Variants in PRLR observed in about 807,000 individuals in gnomAD.
PRLR encodes the protein prolactin receptor.
In PRLR, 13 loss-of-function variants were observed where a neutral mutation model predicts 40.2. The ratio of observed to expected loss-of-function variants is 0.32; its 90% confidence interval spans 0.21 to 0.51. PRLR has a LOEUF of 0.51. PRLR is among the 20% of genes least tolerant of loss of function. The pLI is 0.97. For synonymous variants in PRLR, 269 were observed against 278.7 expected (o/e 0.97, Z 0.35); for missense variants, 656 against 747.3 (o/e 0.88, Z 1.42).
chr5:35,109,825 T>C (rs1001865734), intron 2 of PRLR, among the ~76,000 whole-genome samples: 27 of 152,216 alleles, frequency 1.8e-4, no homozygotes, highest in African/African-American at 6.3e-4. Context: ...CTCAAGGATC[T>C]AGAACTGGAA....
intron 5 of PRLR, among the ~76,000 whole-genome samples, chr5:35,080,238 C>T (rs1403491643): frequency 6.6e-6 from 1 of 152,196 alleles, no homozygotes; most frequent in Admixed American, 6.5e-5. Flanking sequence ...AAACTACCAT[C>T]AGAGTGAACA....
chr5:35,121,576 T>G (rs1262805784), intron 1 of PRLR, among the ~76,000 whole-genome samples: 1 of 152,210 alleles, frequency 6.6e-6, no homozygotes, highest in Non-Finnish European at 1.5e-5. Flanking sequence ...CTGATAAGCT[T>G]CAACATTTGA....
Position 35,217,198 on chromosome 5 carries a change from A to C in PRLR, c.-106+13070T>G, listed in dbSNP as rs1604420. Among the ~76,000 whole-genome samples, 834 of 152,310 alleles carry C rather than the reference A, an allele frequency of 5.5e-3. 8 individuals are homozygous for C. The highest frequency in any genetic ancestry group is 0.019 in the African/African-American group (792 of 41,564). ...AGGAACTTATACCTCCAGCCTCCTG[A>C]AAGTGGGTGTACATGCCAACACTGG... On this transcript the variant is annotated intron_variant, in intron 1 of 9. Transcript: ENST00000618457.
Position 35,084,488 on chromosome 5 carries a change from C to G in PRLR, c.355G>C (p.Val119Leu), listed in dbSNP as rs1487148099. 1 of 1,573,608 alleles carries G rather than the reference C, an allele frequency of 6.4e-7. No individual in the cohort carries two copies. Among genetic ancestry groups the G allele is most frequent in the Non-Finnish European group, 8.6e-7 (1 of 1,166,894 alleles). Residue 119 changes from valine to leucine, a missense_variant, in exon 5 of 10, where the codon GTG (valine) becomes CTG (leucine). By Grantham distance (32) the Val-to-Leu change is conservative (BLOSUM62 1). Around this residue, in one of 3 missense-constraint regions of PRLR, gnomAD observed 180 missense variants for 236.8 expected, o/e 0.76. Transcript: ENST00000618457. ...MGSSFSDELY[V>L]DVTYIVQPDP... is the part of the protein sequence containing the mutation. ...CCCTTACCTATGTAAGTCACGTCCACATAAAGTTCATCCGAGAAACTGCTT... is the reference window on the plus strand; with the variant it reads ...CCCTTACCTATGTAAGTCACGTCCAGATAAAGTTCATCCGAGAAACTGCTT...
At chr5:35,071,723 G>A (rs987641371) in intron 6 of PRLR, among the ~76,000 whole-genome samples, 1 of 151,940 alleles carries the variant, frequency 6.6e-6, no homozygotes, top group East Asian at 1.9e-4. Flanking sequence ...TCAGCCTTCA[G>A]AGTAGCTGGG....
intron 5 of PRLR, among the ~76,000 whole-genome samples, chr5:35,078,152 A>C (rs2112429351): frequency 6.6e-6 from 1 of 152,318 alleles, no homozygotes; most frequent in South Asian, 2.1e-4. Context: ...GAACTAGAGA[A>C]GCAAGAGCAA....
intron 1 of PRLR, among the ~76,000 whole-genome samples, chr5:35,218,148 A>C (rs1579813380): frequency 6.6e-6 from 1 of 152,322 alleles, no homozygotes; most frequent in East Asian, 1.9e-4. Context: ...TCCAAAATTG[A>C]GTATAGTTTA....
chr5:35,161,647 A>C (rs1188609091), intron 1 of PRLR, among the ~76,000 whole-genome samples: 4 of 152,218 alleles, frequency 2.6e-5, no homozygotes, highest in Admixed American at 2.0e-4. Context: ...CAGTAAAAGG[A>C]GATGCATTAA....
chr5:35,114,416 G>C (rs1160359777), intron 2 of PRLR, among the ~76,000 whole-genome samples: 1 of 152,212 alleles, frequency 6.6e-6, no homozygotes, highest in Admixed American at 6.5e-5. Context: ...GCTGCAAAGT[G>C]CTATTGAAGC....
At chr5:35,072,428 A>C in intron 6 of PRLR, 147 bp downstream of exon 6, 1 of 855,868 alleles carries the variant, frequency 1.2e-6, no homozygotes, top group Non-Finnish European at 1.8e-6. Context: ...AGAGGGGAAA[A>C]GGGCTTTTCA....
chr5:35,089,718 T>A (rs1290501173), intron 2 of PRLR, 55 bp from the exon 3 acceptor site: 3 of 1,074,156 alleles, frequency 2.8e-6, no homozygotes, highest in Admixed American at 3.6e-5. Context: ...GTCAGGCACA[T>A]CCACCACTTT....
At chr5:35,181,960 A>G (rs1003162913) in intron 1 of PRLR, among the ~76,000 whole-genome samples, 3 of 152,010 alleles carry the variant, frequency 2.0e-5, no homozygotes, top group Non-Finnish European at 4.4e-5. Context: ...TACTTTAAGG[A>G]TATTGTACTA....
chr5:35,092,149 T>C (rs1771251347), intron 2 of PRLR, among the ~76,000 whole-genome samples: 2 of 152,186 alleles, frequency 1.3e-5, no homozygotes, highest in South Asian at 4.1e-4. Context: ...AATAAAGTTT[T>C]CCTATAATAA....
In PRLR at chr5:35,055,704, G is replaced by C. The variant is rs1444272540; in HGVS notation, c.*9385C>G. The C allele has an allele frequency of 6.6e-6, 1 of 152,068 alleles. No homozygotes were observed. The highest frequency in any genetic ancestry group is 2.4e-5 in the African/African-American group (1 of 41,398). 9.4% of individuals were successfully genotyped at this position (152,068 alleles called of 1,614,324 possible). ...ATATAAAGACCCTCCAAAAACCATT[G>C]CTCAGGTAATAATTTATTAAGTCAA... On this transcript the variant is annotated 3_prime_UTR_variant, in exon 10 of 10. Coordinates refer to ENST00000618457, the MANE Select transcript of PRLR (RefSeq NM_000949.7).
In PRLR at chr5:35,065,803, A is replaced by T. The variant is rs534398516; in HGVS notation, c.1155T>A (p.Asn385Lys). Reference sequence around the variant, plus strand: ...GGTCCCAGGTGTGGGTTGTTTCAGGATTCTCTGGCTTCTCAATGACCTCAG... The same window carrying T: ...GGTCCCAGGTGTGGGTTGTTTCAGGTTTCTCTGGCTTCTCAATGACCTCAG... The part of the protein sequence containing the change: ...YDPEVIEKPE[N>K]PETTHTWDPQ... The change falls in exon 10 of 10, where the codon AAT becomes AAA. Residue 385 changes from asparagine (N) to lysine (K), a missense_variant. Coordinates refer to ENST00000618457, the MANE Select transcript of PRLR (RefSeq NM_000949.7). 4 of 1,613,984 alleles carry T rather than the reference A, an allele frequency of 2.5e-6. No homozygotes were observed. In the South Asian group the frequency reaches 4.4e-5, roughly 18 times the overall value.
At chr5:35,109,130 T>G (rs1772474869) in intron 2 of PRLR, among the ~76,000 whole-genome samples, 1 of 152,194 alleles carries the variant, frequency 6.6e-6, no homozygotes, top group Non-Finnish European at 1.5e-5. Flanking sequence ...GATTCTCTAT[T>G]TAATAAATGG....
intron 2 of PRLR, among the ~76,000 whole-genome samples, chr5:35,115,345 C>T (rs943984888): frequency 2.0e-5 from 3 of 152,142 alleles, no homozygotes; most frequent in Non-Finnish European, 4.4e-5. Context: ...AAACAAATTG[C>T]TGTCTATAAA....
At chr5:35,091,800 C>A (rs537351682) in intron 2 of PRLR, among the ~76,000 whole-genome samples, 1 of 152,162 alleles carries the variant, frequency 6.6e-6, no homozygotes, top group Non-Finnish European at 1.5e-5. Flanking sequence ...TACATATAGC[C>A]CCAAATAGTT....
At chr5:35,050,211 A>G (rs2112320908) in intron 8 of PRLR, among the ~76,000 whole-genome samples, 1 of 152,250 alleles carries the variant, frequency 6.6e-6, no homozygotes, top group East Asian at 1.9e-4. Context: ...ACAAAACTAT[A>G]TTCTAAGATG....
Sources: allele counts gnomAD v4.1 joint callset (sites outside exome capture counted in the v4.1 genomes callset), GRCh38; gene constraint gnomAD v4.1.1; regional missense constraint gnomAD v4.1.1; transcripts MANE v1.5; gene names NCBI Gene and HGNC (gene_info 2026-07-23, HGNC 2026-07-21).